Variants in NOL9 observed in about 807,000 individuals in gnomAD.
The protein encoded by NOL9 is polynucleotide 5'-hydroxyl-kinase NOL9.
In NOL9, 28 loss-of-function variants were observed where a neutral mutation model predicts 67.9. The observed-to-expected ratio is 0.41, with a 90% CI of 0.31 to 0.57. The LOEUF is 0.57. Ranked by LOEUF, NOL9 falls within the 20% of genes least tolerant of loss-of-function variation. The probability of loss-of-function intolerance (pLI) is 0.25; values close to 1 mark genes in which losing one functional copy is unlikely to be tolerated. For missense variants in NOL9, 777 were observed against 897.0 expected, an observed-to-expected ratio of 0.87 and a Z score of 1.71; for synonymous variants, 356 against 352.2, an observed-to-expected ratio of 1.01 and a Z score of -0.12.
At chr1:6,542,521 G>A (rs972620918) in intron 5 of NOL9, among the ~76,000 whole-genome samples, 21 of 146,706 alleles carry the variant, frequency 1.4e-4, no homozygotes, top group Admixed American at 6.9e-5. Flanking sequence ...GCAGTGGCGC[G>A]ATCTTGGCTC....
At chr1:6,542,266 T>C (rs1258547884) in intron 5 of NOL9, among the ~76,000 whole-genome samples, 4 of 151,708 alleles carry the variant, frequency 2.6e-5, no homozygotes, top group Non-Finnish European at 5.9e-5. Flanking sequence ...GTTCATGCCA[T>C]TCTCCTGCCT....
chr1:6,545,055 A>C lies in NOL9; in HGVS notation c.870T>G (p.Asn290Lys). ...ATGTGTATTACTCACCACAGGAAACATTGACTAACTCTTCCAGGGCTGAAA... is the reference window on the plus strand; with the variant it reads ...ATGTGTATTACTCACCACAGGAAACCTTGACTAACTCTTCCAGGGCTGAAA... ...STLSALEELV[N>K]VSCEEVDGCP... is the part of the protein sequence containing the mutation. Residue 290 changes from asparagine to lysine, a missense_variant, in exon 4 of 12, where the codon AAT becomes AAG. By Grantham distance (94) the Asn-to-Lys change is moderately conservative. Coordinates refer to ENST00000377705, the MANE Select transcript of NOL9 (RefSeq NM_024654.5). 2 of 1,614,188 alleles carry C rather than the reference A, an allele frequency of 1.2e-6. No homozygotes were observed. Among genetic ancestry groups the C allele is most frequent in the Non-Finnish European group, 1.7e-6 (2 of 1,180,034 alleles).
intron 9 of NOL9, among the ~76,000 whole-genome samples, chr1:6,531,563 C>T (rs1274275362): frequency 6.6e-6 from 1 of 152,068 alleles, no homozygotes. Context: ...CCACTGTGAA[C>T]GCTCCCTGAA....
At chr1:6,536,982 G>C (rs1414623102) in intron 6 of NOL9, among the ~76,000 whole-genome samples, 1 of 152,044 alleles carries the variant, frequency 6.6e-6, no homozygotes, top group East Asian at 1.9e-4. Context: ...ATGCACTCCA[G>C]CCTGGGTGAC....
intron 9 of NOL9, among the ~76,000 whole-genome samples, chr1:6,529,961 T>C (rs1262618774): frequency 6.6e-6 from 1 of 151,698 alleles, no homozygotes; most frequent in Non-Finnish European, 1.5e-5. Flanking sequence ...ATAAATAAAA[T>C]ACAAAAATTT....
chr1:6,548,522 A>C, intron 3 of NOL9: 1 of 293,884 alleles, frequency 3.4e-6, no homozygotes, highest in Non-Finnish European at 6.8e-6. Context: ...CATGCGTGCT[A>C]AACGTGTTCA....
At chr1:6,528,962 G>A (rs950814968) in intron 10 of NOL9, 32 bp downstream of exon 10, 1 of 1,606,920 alleles carries the variant, frequency 6.2e-7, no homozygotes, top group South Asian at 1.1e-5. Flanking sequence ...CTTTTCAGTA[G>A]GTTTATGGAT....
At chr1:6,549,074 G>A (rs909294050) in intron 3 of NOL9, among the ~76,000 whole-genome samples, 3 of 151,492 alleles carry the variant, frequency 2.0e-5, no homozygotes, top group Admixed American at 2.0e-4. Flanking sequence ...CAGAGAGAGA[G>A]TCCATCTCAA....
chr1:6,521,545 TA>T lies in NOL9; in HGVS notation c.*4308del, dbSNP rs2148644151. ...CATGTGTAAGCTGCTTATAAAATTT[TA>T]AAAGCAACAAGTGGGGGTTTATGAA... On this transcript the variant is annotated 3_prime_UTR_variant, in exon 12 of 12. Transcript: ENST00000377705. 6.6e-6 allele frequency: 1 copy of T among 152,330 alleles called. No individual in the cohort carries two copies. Among genetic ancestry groups the T allele is most frequent in the South Asian group, 2.1e-4 (1 of 4,830 alleles). The allele number at this position is 152,330 out of a possible 1,614,324, so 9.4% of individuals were successfully genotyped here. A position where few individuals can be genotyped will look rare whatever the true frequency, so the allele number is the denominator to read the frequency against.
chr1:6,531,848 G>T (rs1639034952), intron 9 of NOL9, 120 bp downstream of exon 9: 3 of 757,900 alleles, frequency 4.0e-6, no homozygotes, highest in Admixed American at 4.2e-5. Flanking sequence ...GTGTCACTGG[G>T]ATGTTCTGAG....
rs1353585630 is a variant in NOL9 at position 6,521,408 on chromosome 1, C to T, written c.*4446G>A. On this transcript the variant is annotated 3_prime_UTR_variant, in exon 12 of 12. Transcript: ENST00000377705. ...CATCTGTTAACTGAAAAGAGCTGAA[C>T]AGAAACCATACATATTTTGTAAAAT... The T allele has an allele frequency of 3.9e-5, 6 of 152,150 alleles. No individual in the cohort carries two copies. The highest frequency in any genetic ancestry group is 8.8e-5 in the Non-Finnish European group (6 of 68,024). 9.4% of individuals were successfully genotyped at this position (152,150 alleles called of 1,614,324 possible). A position where few individuals can be genotyped will look rare whatever the true frequency, so the allele number is the denominator to read the frequency against.
At chr1:6,553,935 T>A (rs1369831972) in intron 1 of NOL9, among the ~76,000 whole-genome samples, 172 bp downstream of exon 1, 1 of 152,210 alleles carries the variant, frequency 6.6e-6, no homozygotes, top group Non-Finnish European at 1.5e-5. Context: ...GTTACCCTGC[T>A]GCTCAGGGGA....
intron 6 of NOL9, among the ~76,000 whole-genome samples, chr1:6,536,957 T>A (rs932286835): frequency 6.4e-4 from 97 of 152,086 alleles, no homozygotes; most frequent in African/African-American, 2.3e-3. Flanking sequence ...CGGTGAGCTA[T>A]GATTGTGCTA....
chr1:6,543,308 GC>G (rs1176678634), intron 5 of NOL9, among the ~76,000 whole-genome samples: 5 of 151,442 alleles, frequency 3.3e-5, no homozygotes, highest in African/African-American at 1.2e-4. Context: ...CCATTCTCCT[GC>G]CTCAGCCTCC....
intron 10 of NOL9, among the ~76,000 whole-genome samples, chr1:6,528,276 A>G (rs1638935655): frequency 6.6e-6 from 1 of 152,186 alleles, no homozygotes; most frequent in Non-Finnish European, 1.5e-5. Context: ...CTGTGGCACA[A>G]TTGCGCCTGG....
At chr1:6,545,561 GCAAA>G (rs1025689062) in intron 3 of NOL9, among the ~76,000 whole-genome samples, 2 of 152,178 alleles carry the variant, frequency 1.3e-5, no homozygotes, top group African/African-American at 4.8e-5. Context: ...CAGAACATAT[GCAAA>G]CAGAGTTGAA....
chr1:6,533,174 C>T, intron 7 of NOL9, 106 bp downstream of exon 7: 1 of 1,206,820 alleles, frequency 8.3e-7, no homozygotes. Context: ...GACCCTGCCT[C>T]AATTAAAAAC....
intron 6 of NOL9, among the ~76,000 whole-genome samples, chr1:6,535,615 C>T (rs1486681446): frequency 1.3e-5 from 2 of 152,096 alleles, no homozygotes; most frequent in African/African-American, 4.8e-5. Flanking sequence ...GCCAAGTTTT[C>T]TTGTTTTTGT....
intron 5 of NOL9, 32 bp from the exon 6 acceptor site, chr1:6,541,959 A>T (rs749982402): frequency 9.3e-6 from 13 of 1,391,142 alleles, no homozygotes; most frequent in Non-Finnish European, 1.3e-5. Context: ...AAAAGAAAGA[A>T]AATCCTAACT....
Sources: allele counts gnomAD v4.1 joint callset (sites outside exome capture counted in the v4.1 genomes callset), GRCh38; gene constraint gnomAD v4.1.1; transcripts MANE v1.5; gene names NCBI Gene and HGNC (gene_info 2026-07-23, HGNC 2026-07-21).